The following POLR3B variants were observed in gnomAD, a reference collection of about 807,000 sequenced individuals.
The protein encoded by POLR3B is RNA polymerase III subunit B.
A neutral mutation model predicts 147.4 loss-of-function variants in POLR3B; 96 were observed. The ratio of observed to expected loss-of-function variants is 0.65; its 90% confidence interval spans 0.55 to 0.77. The LOEUF (loss-of-function observed/expected upper bound fraction) is 0.77. Ranked by LOEUF, POLR3B falls within the 30% of genes least tolerant of loss-of-function variation. POLR3B has a pLI of 0.00. For synonymous variants in POLR3B, 461 were observed against 485.9 expected (o/e 0.95, Z 0.67); for missense variants, 1,036 against 1,413.5 (o/e 0.73, Z 4.28).
At chr12:106,453,026 CTTT>C (rs770997629) in intron 19 of POLR3B, among the ~76,000 whole-genome samples, 11 of 135,906 alleles carry the variant, frequency 8.1e-5, no homozygotes, top group Non-Finnish European at 9.6e-5. Context: ...TTCTTTTCTT[CTTT>C]TTTTTTTTTT....
At chr12:106,399,820 G>C (rs563987933) in intron 10 of POLR3B, among the ~76,000 whole-genome samples, 5 of 152,148 alleles carry the variant, frequency 3.3e-5, no homozygotes, top group Non-Finnish European at 5.9e-5. Flanking sequence ...AAGAGCTCCT[G>C]AAGGAAGCAC....
At position 106,393,060 on chromosome 12, in the gene POLR3B, T is replaced by C; in HGVS notation, c.753T>C (p.Ile251=). The change falls in exon 10 of 28, where the codon ATT becomes ATC. Residue 251 remains isoleucine (I), a synonymous_variant. Transcript: ENST00000228347. The part of the protein sequence containing the change: ...KAMGVESDQE[I]VQMIGTEEHV... Reference sequence around the variant, plus strand: ...TGGGTGTTGAGAGTGACCAGGAAATTGTGCAGATGATTGGAACAGAGGAGC... The same window carrying C: ...TGGGTGTTGAGAGTGACCAGGAAATCGTGCAGATGATTGGAACAGAGGAGC... 1.2e-6 allele frequency: 2 copies of C among 1,614,206 alleles called. No individual in the cohort carries two copies. Among genetic ancestry groups the C allele is most frequent in the Non-Finnish European group, 1.7e-6 (2 of 1,180,020 alleles).
At chr12:106,448,245 T>C (rs999619791) in intron 19 of POLR3B, among the ~76,000 whole-genome samples, 2 of 151,964 alleles carry the variant, frequency 1.3e-5, no homozygotes, top group Non-Finnish European at 1.5e-5. Context: ...GATGAATATA[T>C]ACATATATAT....
At position 106,376,864 on chromosome 12, in the gene POLR3B, A is replaced by G. The variant is rs538605570; in HGVS notation, c.496+414A>G. On this transcript the variant is annotated intron_variant, in intron 7 of 27. Coordinates refer to ENST00000228347, the MANE Select transcript of POLR3B (RefSeq NM_018082.6). Reference sequence around the variant, plus strand: ...TGGACTCATCCACCTTGGCCTCCCAAAGTGCTGGGATTACAGGCGTGAACC... The same window carrying G: ...TGGACTCATCCACCTTGGCCTCCCAGAGTGCTGGGATTACAGGCGTGAACC... 2.8e-4 allele frequency among the ~76,000 whole-genome samples: 43 copies of G among 152,262 alleles called. 1 individual carries two copies. The South Asian group carries it at 8.7e-3, about 31-fold the overall frequency.
rs1240093902 is a variant in POLR3B at position 106,369,614 on chromosome 12, C to T, written c.335C>T (p.Pro112Leu). The T allele has an allele frequency of 1.9e-6, 3 of 1,612,558 alleles. No homozygotes were observed. The highest frequency in any genetic ancestry group is 1.1e-5 in the South Asian group (1 of 91,054). Reference protein sequence around the residue: ...CRLRDMTYSAPITVDIEYTRG... With the variant: ...CRLRDMTYSALITVDIEYTRG... ...TTGAGAGACATGACATACTCTGCCC[C>T]TATTACAGTGGATATTGAATATACC... is the stretch of plus-strand genomic sequence containing the variant. Residue 112 changes from proline to leucine, a missense_variant, in exon 6 of 28, where the codon CCT (proline) becomes CTT (leucine). Physicochemically the swap from Pro to Leu is moderately conservative, Grantham distance 98. Transcript: ENST00000228347.
chr12:106,449,113 A>T (rs1402730874), intron 19 of POLR3B, among the ~76,000 whole-genome samples: 1 of 152,206 alleles, frequency 6.6e-6, no homozygotes, highest in African/African-American at 2.4e-5. Flanking sequence ...ACATAATAAG[A>T]TATCTTGGGG....
intron 12 of POLR3B, among the ~76,000 whole-genome samples, chr12:106,422,294 G>A (rs1341923391): frequency 2.0e-5 from 3 of 152,066 alleles, no homozygotes; most frequent in Non-Finnish European, 4.4e-5. Context: ...TCTTCTTCCT[G>A]CTCTGGCCAT....
At chr12:106,492,309 T>G (rs1484206719) in intron 23 of POLR3B, among the ~76,000 whole-genome samples, 1 of 152,130 alleles carries the variant, frequency 6.6e-6, no homozygotes, top group Non-Finnish European at 1.5e-5. Flanking sequence ...GCTCACACCT[T>G]TAATCCCAGC....
At position 106,437,671 on chromosome 12, in the gene POLR3B, A is replaced by G; in HGVS notation, c.1857-10A>G. On this transcript the variant is annotated splice_polypyrimidine_tract_variant and intron_variant, in intron 17 of 27. Transcript: ENST00000228347. The stretch of plus-strand genomic sequence containing the variant: ...TTTTAATGATGTCTCTTTCACCAAT[A>G]TTTTCCCAGGAATTTTGAAGATTTC... 1 of 1,500,636 alleles carries G rather than the reference A, an allele frequency of 6.7e-7. No individual in the cohort carries two copies. The highest frequency in any genetic ancestry group is 9.3e-7 in the Non-Finnish European group (1 of 1,076,956). 93.0% of individuals were successfully genotyped at this position (1,500,636 alleles called of 1,614,324 possible). A position where few individuals can be genotyped will look rare whatever the true frequency, so the allele number is the denominator to read the frequency against.
At position 106,431,634 on chromosome 12, in the gene POLR3B, A is replaced by G. The variant is rs1285515983; in HGVS notation, c.1465-684A>G. On this transcript the variant is annotated intron_variant, in intron 14 of 27. Coordinates refer to ENST00000228347, the MANE Select transcript of POLR3B (RefSeq NM_018082.6). ...AAAGATTTTCCACAATCTTTCATCT[A>G]GATTCCCAACTGTGAACATCTTATG... is the stretch of plus-strand genomic sequence containing the variant. Among the ~76,000 whole-genome samples, 15 of 152,238 alleles carry G rather than the reference A, an allele frequency of 9.9e-5. 1 individual carries two copies. The highest frequency in any genetic ancestry group is 9.8e-4 in the Admixed American group (15 of 15,288).
intron 10 of POLR3B, among the ~76,000 whole-genome samples, chr12:106,397,472 GTT>G (rs1253352531): frequency 6.6e-6 from 1 of 151,976 alleles, no homozygotes; most frequent in Non-Finnish European, 1.5e-5. Flanking sequence ...CCGTAGATTA[GTT>G]TTGCCAATTA....
intron 10 of POLR3B, among the ~76,000 whole-genome samples, chr12:106,401,374 A>G (rs2037064510): frequency 1.3e-5 from 2 of 151,208 alleles, no homozygotes; most frequent in Admixed American, 1.3e-4. Flanking sequence ...GATGGATTCT[A>G]CCAGAGGTAC....
chr12:106,361,617 C>T (rs1456763013), intron 1 of POLR3B, among the ~76,000 whole-genome samples: 1 of 152,130 alleles, frequency 6.6e-6, no homozygotes, highest in Non-Finnish European at 1.5e-5. Flanking sequence ...AGGGTCACTG[C>T]CCTTGAAAGA....
Position 106,393,099 on chromosome 12 carries a change from A to C in POLR3B, c.792A>C (p.Ala264=). 6.2e-7 allele frequency: 1 copy of C among 1,614,208 alleles called. No homozygotes were observed. Among genetic ancestry groups the C allele is most frequent in the Non-Finnish European group, 8.5e-7 (1 of 1,180,026 alleles). ...GAACAGAGGAGCACGTGATGGCTGCATTTGGGCCCAGTCTGGAAGAGTGCC... is the reference window on the plus strand; with the variant it reads ...GAACAGAGGAGCACGTGATGGCTGCCTTTGGGCCCAGTCTGGAAGAGTGCC... ...MIGTEEHVMA[A]FGPSLEECQK... is the part of the protein sequence containing the mutation. The change falls in exon 10 of 28, where the codon GCA becomes GCC. Residue 264 remains alanine, a synonymous_variant. Coordinates refer to ENST00000228347, the MANE Select transcript of POLR3B (RefSeq NM_018082.6).
At chr12:106,453,324 T>G (rs1593049554) in intron 19 of POLR3B, among the ~76,000 whole-genome samples, 1 of 152,240 alleles carries the variant, frequency 6.6e-6, no homozygotes, top group Non-Finnish European at 1.5e-5. Flanking sequence ...AATAGCTTAT[T>G]TTCATCCCCA....
chr12:106,403,411 A>G (rs1308547682), intron 10 of POLR3B, among the ~76,000 whole-genome samples: 2 of 150,752 alleles, frequency 1.3e-5, no homozygotes, highest in East Asian at 3.9e-4. Context: ...GCGATTCCTC[A>G]GGGATCTAGA....
At chr12:106,358,125 C>A in intron 1 of POLR3B, 174 bp downstream of exon 1, 4 of 1,481,430 alleles carry the variant, frequency 2.7e-6, no homozygotes, top group Middle Eastern at 2.4e-4. Flanking sequence ...CCGGCCTCCG[C>A]GTGCGCGAGT....
intron 19 of POLR3B, among the ~76,000 whole-genome samples, chr12:106,452,379 G>T (rs578111855): frequency 1.5e-3 from 232 of 152,282 alleles, no homozygotes; most frequent in Non-Finnish European, 2.9e-3. Flanking sequence ...TCAGTGGTCA[G>T]TTGTAATGCC....
At chr12:106,360,695 A>G (rs1469756798) in intron 1 of POLR3B, among the ~76,000 whole-genome samples, 1 of 152,244 alleles carries the variant, frequency 6.6e-6, no homozygotes, top group Non-Finnish European at 1.5e-5. Context: ...GGTAGAAACA[A>G]CACAAGCTTT....
Sources: allele counts gnomAD v4.1 joint callset (sites outside exome capture counted in the v4.1 genomes callset), GRCh38; gene constraint gnomAD v4.1.1; transcripts MANE v1.5; gene names NCBI Gene and HGNC (gene_info 2026-07-23, HGNC 2026-07-21).